ZNF514: variants seen among roughly 807,000 people sequenced by gnomAD.
ZNF514 encodes the protein zinc finger protein 514.
A neutral mutation model predicts 9.7 loss-of-function variants in ZNF514; 12 were observed. The observed-to-expected ratio is 1.24, with a 90% confidence interval of 0.79 to 2.01. The LOEUF (loss-of-function observed/expected upper bound fraction) is 2.01, where lower values mean the gene tolerates loss of function less well. Ranked by LOEUF, ZNF514 falls within the 30% of genes most tolerant of loss-of-function variation. The probability of loss-of-function intolerance (pLI) is 0.00; values close to 1 mark genes in which losing one functional copy is unlikely to be tolerated. For synonymous variants in ZNF514, 158 were observed against 163.7 expected, an observed-to-expected ratio of 0.97 and a Z score of 0.27; for missense variants, 467 against 465.5, an observed-to-expected ratio of 1.00 and a Z score of -0.03.
Position 95,159,276 on chromosome 2 carries a change from ACC to A in ZNF514, c.-134_-133del. 1 of 173,906 alleles carries A rather than the reference ACC, an allele frequency of 5.8e-6. No homozygotes were observed. The highest frequency in any genetic ancestry group is 1.2e-5 in the Non-Finnish European group (1 of 80,938). 10.8% of individuals were successfully genotyped at this position (173,906 alleles called of 1,614,324 possible). A position where few individuals can be genotyped will look rare whatever the true frequency, so the allele number is the denominator to read the frequency against. Reference sequence around the variant, plus strand: ...CTCCTCCTCAGGACCAGGCTCTGGAACCCAGCTCCCACGTGGATCCACACGCA... The same window carrying A: ...CTCCTCCTCAGGACCAGGCTCTGGAACAGCTCCCACGTGGATCCACACGCA... On this transcript the variant is annotated 5_prime_UTR_variant, in exon 1 of 5. Transcript: ENST00000295208.
chr2:95,125,271 C>T, the ZNF514 span, among the ~76,000 whole-genome samples: 3 of 147,726 alleles, frequency 2.0e-5, no homozygotes, highest in African/African-American at 7.5e-5. Flanking sequence ...CGTCGCGTCT[C>T]GCTCTGTCGC....
chr2:95,157,776 G>T (rs1265056531), intron 1 of ZNF514, among the ~76,000 whole-genome samples: 1 of 152,150 alleles, frequency 6.6e-6, no homozygotes, highest in East Asian at 1.9e-4. Context: ...ATATGGAAAA[G>T]AACTTCAAGG....
chr2:95,130,852 G>C, the ZNF514 span, among the ~76,000 whole-genome samples: 1 of 152,192 alleles, frequency 6.6e-6, no homozygotes, highest in Admixed American at 6.5e-5. Context: ...CAACTGACAG[G>C]ATTAAGAGAT....
At position 95,153,135 on chromosome 2, in the gene ZNF514, A is replaced by G. The variant is rs1673589031; in HGVS notation, c.119T>C (p.Leu40Pro). The change falls in exon 3 of 5, where the codon CTG (leucine) becomes CCG (proline). Residue 40 changes from leucine (L) to proline (P), a missense_variant and splice_region_variant. Physicochemically the swap from Leu to Pro is moderately conservative, Grantham distance 98. Transcript: ENST00000295208. ...MLENFRNLAI[L>P]GLLVSKPYVI... is the part of the protein sequence containing the mutation. The stretch of plus-strand genomic sequence containing the variant: ...GGCTTTGGAGGGCTTGTGCTCACCC[A>G]GAATGGCCAAGTTCCTGAAGTTCTC... 2 of 1,611,870 alleles carry G rather than the reference A, an allele frequency of 1.2e-6. No homozygotes were observed. Among genetic ancestry groups the G allele is most frequent in the South Asian group, 2.2e-5 (2 of 90,944 alleles).
At chr2:95,140,962 G>A (rs1676818619), downstream of ZNF514, among the ~76,000 whole-genome samples, 1 of 150,604 alleles carries the variant, frequency 6.6e-6, no homozygotes, top group South Asian at 2.1e-4. Flanking sequence ...GCAACAGAGT[G>A]AGACTTCATC....
chr2:95,135,509 C>A, the ZNF514 span, among the ~76,000 whole-genome samples: 1 of 151,302 alleles, frequency 6.6e-6, no homozygotes, highest in Non-Finnish European at 1.5e-5. Flanking sequence ...GCAGGCTCAA[C>A]CCTCTGGGCT....
Position 95,153,240 on chromosome 2 carries a change from T to C in ZNF514, c.14A>G (p.Asp5Gly). The C allele has an allele frequency of 6.2e-7, 1 of 1,613,954 alleles. No homozygotes were observed. Among genetic ancestry groups the C allele is most frequent in the Non-Finnish European group, 8.5e-7 (1 of 1,179,876 alleles). MTFE[D>G]VAVEFSQWEW... The stretch of plus-strand genomic sequence containing the variant: ...CCACTGGCTGAATTCCACAGCCACA[T>C]CTTCAAATGTCATCAGGTCCTGAAA... The change falls in exon 3 of 5, where the codon GAT (aspartate) becomes GGT (glycine). Residue 5 changes from aspartate (D) to glycine (G), a missense_variant. Physicochemically the swap from Asp to Gly is moderately conservative, Grantham distance 94. Transcript: ENST00000295208.
chr2:95,152,993 GAGAATGT>G (rs1673585817), intron 3 of ZNF514, 133 bp downstream of exon 3: 75 of 1,173,572 alleles, frequency 6.4e-5, no homozygotes, highest in Non-Finnish European at 8.8e-5. Context: ...GGGCCCCAAA[GAGAATGT>G]AAATGTCTGA....
In ZNF514 at chr2:95,149,319, T is replaced by C; in HGVS notation, c.1166A>G (p.Lys389Arg). ...TTTTCCAGCATGACTTCTCTGATGTTTAATAAGGGATGCAGTATGAGCAAA... is the reference window on the plus strand; with the variant it reads ...TTTTCCAGCATGACTTCTCTGATGTCTAATAAGGGATGCAGTATGAGCAAA... ...RAFAHTASLI[K>R]HQRSHAGKKT... The change falls in exon 5 of 5, where the codon AAA becomes AGA. Residue 389 changes from lysine (K) to arginine (R), a missense_variant. By Grantham distance (26) the Lys-to-Arg change is conservative. Transcript: ENST00000295208. 1 of 1,597,888 alleles carries C rather than the reference T, an allele frequency of 6.3e-7. No individual in the cohort carries two copies. Among genetic ancestry groups the C allele is most frequent in the South Asian group, 1.1e-5 (1 of 88,944 alleles).
rs1673581167 is a variant in ZNF514, at chr2:95,152,818, A to T, written c.122-49T>A. On this transcript the variant is annotated intron_variant, in intron 3 of 4. Coordinates refer to ENST00000295208, the MANE Select transcript of ZNF514 (RefSeq NM_032788.3). ...TTTTGGTTGTGTGTGCCAGTGGCCA[A>T]GTCTTTGGATATTCATCTTCAAGGT... is the stretch of plus-strand genomic sequence containing the variant. 3 of 1,494,448 alleles carry T rather than the reference A, an allele frequency of 2.0e-6. No homozygotes were observed. The East Asian group carries it at 6.8e-5, about 34-fold the overall frequency. The allele number at this position is 1,494,448 out of a possible 1,614,324, so 92.6% of individuals were successfully genotyped here.
the ZNF514 span, among the ~76,000 whole-genome samples, chr2:95,125,246 T>G: frequency 9.4e-5 from 14 of 148,962 alleles, no homozygotes; most frequent in East Asian, 2.8e-3. Flanking sequence ...TTTTTTTTTT[T>G]GAGACGGAGT....
At chr2:95,130,403 G>T in the ZNF514 span, among the ~76,000 whole-genome samples, 2 of 152,164 alleles carry the variant, frequency 1.3e-5, no homozygotes, top group Admixed American at 1.3e-4. Flanking sequence ...CAGGAGACAG[G>T]GTTTTGAGAT....
At chr2:95,129,492 A>C in the ZNF514 span, among the ~76,000 whole-genome samples, 1 of 152,284 alleles carries the variant, frequency 6.6e-6, no homozygotes, top group Non-Finnish European at 1.5e-5. Flanking sequence ...AAGATTCTTC[A>C]TCTCCTCCAA....
At chr2:95,152,652 A>G in intron 4 of ZNF514, 22 bp downstream of exon 4, 1 of 1,606,994 alleles carries the variant, frequency 6.2e-7, no homozygotes, top group Non-Finnish European at 8.5e-7. Context: ...ATCATATGCA[A>G]TGCTTTCACT....
the ZNF514 span, among the ~76,000 whole-genome samples, chr2:95,127,546 G>A: frequency 1.3e-5 from 2 of 152,034 alleles, no homozygotes; most frequent in African/African-American, 4.8e-5. Context: ...TCTTCATTGT[G>A]TTTAGTGTTT....
In ZNF514 at chr2:95,149,164, G is replaced by T; in HGVS notation, c.*118C>A. On this transcript the variant is annotated 3_prime_UTR_variant, in exon 5 of 5. Transcript: ENST00000295208. Reference sequence around the variant, plus strand: ...CTCTTTAGTAATTATTGCCTGATGTGGAACAAGATGTGGTCTTCCCACATA... The same window carrying T: ...CTCTTTAGTAATTATTGCCTGATGTTGAACAAGATGTGGTCTTCCCACATA... 7.9e-7 allele frequency: 1 copy of T among 1,267,798 alleles called. No homozygotes were observed. The highest frequency in any genetic ancestry group is 1.1e-6 in the Non-Finnish European group (1 of 930,024). 78.5% of individuals were successfully genotyped at this position (1,267,798 alleles called of 1,614,324 possible).
the ZNF514 span, among the ~76,000 whole-genome samples, chr2:95,126,854 TCA>T: frequency 6.6e-6 from 1 of 152,014 alleles, no homozygotes; most frequent in Admixed American, 6.6e-5. Flanking sequence ...CAATGCAGCC[TCA>T]CACTCCTGGC....
At chr2:95,138,462 C>T in the ZNF514 span, among the ~76,000 whole-genome samples, 1 of 152,268 alleles carries the variant, frequency 6.6e-6, no homozygotes, top group Middle Eastern at 3.4e-3. Context: ...ACCCATTATG[C>T]CTTAGCAAAG....
chr2:95,153,356 G>A (rs962706553), intron 2 of ZNF514, 97 bp from the exon 3 acceptor site: 3 of 1,279,550 alleles, frequency 2.3e-6, no homozygotes, highest in African/African-American at 2.9e-5. Context: ...CAGGCCTACA[G>A]AGACATTCTT....
Sources: allele counts gnomAD v4.1 joint callset (sites outside exome capture counted in the v4.1 genomes callset), GRCh38; gene constraint gnomAD v4.1.1; transcripts MANE v1.5; gene names NCBI Gene and HGNC (gene_info 2026-07-23, HGNC 2026-07-21).